The following DCC variants were observed in gnomAD, a reference collection of about 807,000 sequenced individuals.
DCC encodes the protein netrin receptor DCC.
A neutral mutation model predicts 172.5 loss-of-function variants in DCC; 58 were observed. The observed-to-expected ratio is 0.34, with a 90% confidence interval of 0.27 to 0.42. The LOEUF (loss-of-function observed/expected upper bound fraction) is 0.42. DCC is among the 10% of genes least tolerant of loss of function. The pLI, the probability that DCC is intolerant of heterozygous loss-of-function variation, is 1.00. For synonymous variants in DCC, 709 were observed against 644.5 expected, an observed-to-expected ratio of 1.10 and a Z score of -1.52; for missense variants, 1,740 against 1,791.0, an observed-to-expected ratio of 0.97 and a Z score of 0.51.
chr18:52,399,598 C>A (rs148386029), intron 1 of DCC, among the ~76,000 whole-genome samples: 1 of 151,986 alleles, frequency 6.6e-6, no homozygotes, highest in Non-Finnish European at 1.5e-5. Context: ...CTTTTCTTGC[C>A]TGTTGAATCT....
intron 5 of DCC, among the ~76,000 whole-genome samples, chr18:53,051,932 C>T (rs1210800403): frequency 6.6e-6 from 1 of 152,000 alleles, no homozygotes; most frequent in Non-Finnish European, 1.5e-5. Context: ...TATTCTGTCC[C>T]ATTTGTGGGC....
At chr18:53,009,005 A>T (rs1309482868) in intron 5 of DCC, among the ~76,000 whole-genome samples, 1 of 151,942 alleles carries the variant, frequency 6.6e-6, no homozygotes, top group Non-Finnish European at 1.5e-5. Context: ...AGACCTGAAC[A>T]TTTAGGTTAA....
At chr18:53,030,161 C>A (rs1300820741) in intron 5 of DCC, among the ~76,000 whole-genome samples, 4 of 152,200 alleles carry the variant, frequency 2.6e-5, no homozygotes, top group African/African-American at 9.7e-5. Flanking sequence ...TGGAGATGGT[C>A]TCCAGGAAAC....
At position 52,849,234 on chromosome 18, in the gene DCC, T is replaced by C. The variant is rs78788919; in HGVS notation, c.413-56810T>C. Among the ~76,000 whole-genome samples the C allele has an allele frequency of 3.5e-4, 53 of 152,288 alleles. 3 individuals carry two copies. In the East Asian group the frequency reaches 9.7e-3, roughly 28 times the overall value. Reference sequence around the variant, plus strand: ...GTCCAGCAGGAACCTTTATTCTACATAGTATCCTTTCTACTGGACTGCTGT... The same window carrying C: ...GTCCAGCAGGAACCTTTATTCTACACAGTATCCTTTCTACTGGACTGCTGT... On this transcript the variant is annotated intron_variant, in intron 2 of 28. Transcript: ENST00000442544.
At chr18:52,804,155 A>G (rs894289516) in intron 2 of DCC, among the ~76,000 whole-genome samples, 4 of 152,244 alleles carry the variant, frequency 2.6e-5, no homozygotes, top group Admixed American at 2.0e-4. Flanking sequence ...TGGCACCACT[A>G]AAACCAAAAC....
intron 5 of DCC, among the ~76,000 whole-genome samples, chr18:53,020,664 T>C (rs2041867538): frequency 6.6e-6 from 1 of 152,208 alleles, no homozygotes; most frequent in African/African-American, 2.4e-5. Context: ...TAACTAATAC[T>C]ATAATTGCAT....
At chr18:53,351,397 C>CTGTATATATATAT (rs2057803040) in intron 15 of DCC, among the ~76,000 whole-genome samples, 3 of 17,750 alleles carry the variant, frequency 1.7e-4, no homozygotes, top group African/African-American at 5.1e-4. Context: ...TATATATATA[C>CTGTATATATATAT]AGTGTATATA....
chr18:52,612,666 T>G (rs958681982), intron 1 of DCC, among the ~76,000 whole-genome samples: 1 of 152,234 alleles, frequency 6.6e-6, no homozygotes, highest in African/African-American at 2.4e-5. Flanking sequence ...ATTTTATTAC[T>G]TCTGTTTCTA....
chr18:52,849,496 T>G (rs2038943152), intron 2 of DCC, among the ~76,000 whole-genome samples: 1 of 152,202 alleles, frequency 6.6e-6, no homozygotes, highest in African/African-American at 2.4e-5. Context: ...CAGCTGAGAT[T>G]AAATCCAGCA....
chr18:52,860,933 C>T (rs765375479), intron 2 of DCC, among the ~76,000 whole-genome samples: 5 of 146,224 alleles, frequency 3.4e-5, no homozygotes, highest in South Asian at 2.2e-4. Context: ...CTAGAACCTG[C>T]GGGCGGAGGT....
At chr18:53,284,093 C>T (rs1236548515) in intron 12 of DCC, among the ~76,000 whole-genome samples, 7 of 152,104 alleles carry the variant, frequency 4.6e-5, no homozygotes, top group Non-Finnish European at 5.9e-5. Flanking sequence ...TTCATTTGCA[C>T]GTGGCATTTT....
chr18:52,551,256 G>A (rs978714802), intron 1 of DCC, among the ~76,000 whole-genome samples: 1 of 151,930 alleles, frequency 6.6e-6, no homozygotes, highest in South Asian at 2.1e-4. Flanking sequence ...TGTTGGGTAC[G>A]ATCTATGTAG....
intron 5 of DCC, among the ~76,000 whole-genome samples, chr18:52,965,296 A>G (rs2040911540): frequency 6.6e-6 from 1 of 152,204 alleles, no homozygotes; most frequent in African/African-American, 2.4e-5. Context: ...AAGTACTAGA[A>G]GTCAAGGCTA....
At chr18:53,208,599 T>C (rs1279922640) in intron 11 of DCC, among the ~76,000 whole-genome samples, 1 of 152,168 alleles carries the variant, frequency 6.6e-6, no homozygotes, top group Non-Finnish European at 1.5e-5. Flanking sequence ...AGTATTAAAA[T>C]TGAGCATGAA....
At chr18:53,060,341 G>T (rs1289625305) in intron 5 of DCC, among the ~76,000 whole-genome samples, 6 of 151,982 alleles carry the variant, frequency 3.9e-5, no homozygotes, top group African/African-American at 1.4e-4. Flanking sequence ...ACTCATTTCT[G>T]ATTCACAATA....
At chr18:53,200,375 A>G (rs561079882) in intron 9 of DCC, among the ~76,000 whole-genome samples, 7 of 152,328 alleles carry the variant, frequency 4.6e-5, no homozygotes, top group African/African-American at 1.7e-4. Context: ...GTTAGACTAC[A>G]TAAAGTGCCT....
At chr18:53,299,648 A>G (rs539956156) in intron 12 of DCC, among the ~76,000 whole-genome samples, 1 of 152,314 alleles carries the variant, frequency 6.6e-6, no homozygotes, top group South Asian at 2.1e-4. Context: ...GAATGGGTAA[A>G]TCATGACTTA....
intron 2 of DCC, among the ~76,000 whole-genome samples, chr18:52,789,064 C>T (rs1197993273): frequency 6.6e-6 from 1 of 152,090 alleles, no homozygotes; most frequent in Non-Finnish European, 1.5e-5. Context: ...CCTTCCGTAA[C>T]TACGATTAGA....
At chr18:52,511,280 C>CAAAAAAAAAA (rs5824941) in intron 1 of DCC, among the ~76,000 whole-genome samples, 4 of 110,058 alleles carry the variant, frequency 3.6e-5, no homozygotes, top group Non-Finnish European at 5.3e-5. Context: ...GACTCTGTCT[C>CAAAAAAAAAA]AAAAAAAAAA....
Sources: allele counts gnomAD v4.1 joint callset (sites outside exome capture counted in the v4.1 genomes callset), GRCh38; gene constraint gnomAD v4.1.1; transcripts MANE v1.5; gene names NCBI Gene and HGNC (gene_info 2026-07-23, HGNC 2026-07-21).